The following SHISAL2A variants were observed in gnomAD, a reference collection of about 807,000 sequenced individuals.
SHISAL2A encodes the protein protein shisa-like-2A.
In SHISAL2A, 18 loss-of-function variants were observed where a neutral mutation model predicts 11.5. The observed-to-expected ratio is 1.57, with a 90% CI of 1.08 to 2.33. The LOEUF (loss-of-function observed/expected upper bound fraction) is 2.33. SHISAL2A is among the 30% of genes most tolerant of loss of function. The probability of loss-of-function intolerance (pLI) is 0.00; values close to 1 mark genes in which losing one functional copy is unlikely to be tolerated. For synonymous variants in SHISAL2A, 94 were observed against 99.6 expected, an observed-to-expected ratio of 0.94 and a Z score of 0.34; for missense variants, 261 against 250.9, an observed-to-expected ratio of 1.04 and a Z score of -0.27.
At chr1:52,640,489 C>T (rs1183440788) in intron 1 of SHISAL2A, among the ~76,000 whole-genome samples, 1 of 152,050 alleles carries the variant, frequency 6.6e-6, no homozygotes, top group Non-Finnish European at 1.5e-5. Flanking sequence ...CTTGGCCGGA[C>T]ACGGTAGCTC....
At chr1:52,639,752 CA>C (rs1325793796) in intron 1 of SHISAL2A, among the ~76,000 whole-genome samples, 3 of 151,884 alleles carry the variant, frequency 2.0e-5, no homozygotes, top group African/African-American at 7.3e-5. Flanking sequence ...GACTCCATCT[CA>C]AAAAACAAAA....
intron 1 of SHISAL2A, among the ~76,000 whole-genome samples, chr1:52,641,422 T>C (rs1266922316): frequency 6.6e-6 from 1 of 152,196 alleles, no homozygotes; most frequent in East Asian, 1.9e-4. Context: ...GAGAATTGCT[T>C]GACGTGTGGG....
chr1:52,635,172 T>C (rs1042924356), intron 1 of SHISAL2A, among the ~76,000 whole-genome samples: 5 of 152,202 alleles, frequency 3.3e-5, no homozygotes, highest in African/African-American at 9.7e-5. Flanking sequence ...TCCCTGCCCC[T>C]GAGGAACTCA....
chr1:52,652,428 G>GTT (rs1325935724), intron 2 of SHISAL2A, among the ~76,000 whole-genome samples: 1 of 152,004 alleles, frequency 6.6e-6, no homozygotes, highest in Non-Finnish European at 1.5e-5. Context: ...AATTTGTTTT[G>GTT]TTTTTTAACA....
chr1:52,643,056 A>AG (rs1257031686), intron 2 of SHISAL2A, 54 bp downstream of exon 2: 7 of 1,559,416 alleles, frequency 4.5e-6, no homozygotes, highest in Admixed American at 1.8e-5. Flanking sequence ...CACCTTTTCA[A>AG]GGGGGGAGAA....
intron 2 of SHISAL2A, 131 bp downstream of exon 2, chr1:52,643,133 A>T (rs1256437316): frequency 1.2e-6 from 1 of 832,890 alleles, no homozygotes; most frequent in Non-Finnish European, 1.9e-6. Context: ...GCAGCGGCAC[A>T]TTTTTCTGGA....
chr1:52,662,149 A>G lies in SHISAL2A; in HGVS notation n.695+2569A>G, dbSNP rs1244767654. Among the ~76,000 whole-genome samples the G allele has an allele frequency of 7.9e-5, 12 of 152,196 alleles. No individual in the cohort carries two copies. In the East Asian group the frequency reaches 2.1e-3, roughly 27 times the overall value. ...GAGAACAGTCAGAGAGAGATCCCAA[A>G]CAAATGCCAAGATGTGGGGTAAGGA... On this transcript the variant is annotated intron_variant and non_coding_transcript_variant, in intron 4 of 5. Transcript: ENST00000401050.
intron 2 of SHISAL2A, among the ~76,000 whole-genome samples, chr1:52,649,208 A>G (rs1396431975): frequency 6.6e-6 from 1 of 152,010 alleles, no homozygotes; most frequent in Non-Finnish European, 1.5e-5. Flanking sequence ...CATTCATCAG[A>G]GCTTTACTGT....
rs111980029 is a variant in SHISAL2A, at chr1:52,650,731, G to A, written c.323-6059G>A. Among the ~76,000 whole-genome samples, 360 of 136,240 alleles carry A rather than the reference G, an allele frequency of 2.6e-3. 1 individual carries two copies. Among genetic ancestry groups the A allele is most frequent in the African/African-American group, 8.0e-3 (290 of 36,332 alleles). 89.4% of individuals were successfully genotyped at this position (136,240 alleles called of 152,430 possible). ...GTGATCTTGGCTCACTGCAACCTTCGCCTCCCGGGTTCAAGCAATTCTCCT... is the reference window on the plus strand; with the variant it reads ...GTGATCTTGGCTCACTGCAACCTTCACCTCCCGGGTTCAAGCAATTCTCCT... On this transcript the variant is annotated intron_variant, in intron 2 of 2. Coordinates refer to ENST00000517870, the MANE Select transcript of SHISAL2A (RefSeq NM_001042693.3).
downstream of SHISAL2A, among the ~76,000 whole-genome samples, chr1:52,660,483 C>G (rs269324): frequency 1.3e-5 from 2 of 151,940 alleles, no homozygotes; most frequent in African/African-American, 4.8e-5. Context: ...TGGGCTGATA[C>G]GCAGACAGAA....
chr1:52,643,270 A>G (rs539944487), intron 2 of SHISAL2A, among the ~76,000 whole-genome samples: 1 of 152,356 alleles, frequency 6.6e-6, no homozygotes, highest in African/African-American at 2.4e-5. Context: ...GTTTAAGATG[A>G]TGTTTTAATT....
intron 1 of SHISAL2A, among the ~76,000 whole-genome samples, chr1:52,642,193 A>T (rs1691380793): frequency 6.6e-6 from 1 of 152,202 alleles, no homozygotes; most frequent in Non-Finnish European, 1.5e-5. Flanking sequence ...CTTAAGAAAC[A>T]GCAGTATGGG....
In SHISAL2A at chr1:52,656,914, G is replaced by T. The variant is rs773743354; in HGVS notation, c.447G>T (p.Gly149=). 1 of 1,614,160 alleles carries T rather than the reference G, an allele frequency of 6.2e-7. No individual in the cohort carries two copies. Among genetic ancestry groups the T allele is most frequent in the Non-Finnish European group, 8.5e-7 (1 of 1,180,014 alleles). ...CLNPQLESNE[G]QAVNSKRLLH... ...ACCCGCAGCTGGAGAGCAATGAGGG[G>T]CAGGCTGTGAACTCCAAACGCCTCC... is the stretch of plus-strand genomic sequence containing the variant. Residue 149 remains glycine, a synonymous_variant, in exon 3 of 3, where the codon GGG becomes GGT. Transcript: ENST00000517870.
intron 2 of SHISAL2A, among the ~76,000 whole-genome samples, chr1:52,655,452 CAAAAAAAAAAAAAA>C (rs11346128): frequency 8.1e-3 from 326 of 40,170 alleles, no homozygotes; most frequent in African/African-American, 0.027. Context: ...CCTGTATCTA[CAAAAAAAAAAAAAA>C]AAAAAAAAAA....
chr1:52,645,285 C>T (rs1691473513), intron 2 of SHISAL2A, among the ~76,000 whole-genome samples: 1 of 152,192 alleles, frequency 6.6e-6, no homozygotes, highest in East Asian at 1.9e-4. Context: ...TGGAAGGATT[C>T]AGCTGGCTCC....
chr1:52,633,056 C>G (rs555103054), upstream of SHISAL2A, among the ~76,000 whole-genome samples: 32 of 152,058 alleles, frequency 2.1e-4, no homozygotes, highest in African/African-American at 7.2e-4. The surrounding 1 kb of genome is among the most constrained non-coding windows in gnomAD (Gnocchi z 6.4). Flanking sequence ...CGCCCGCGCC[C>G]TGGCCTCGAA....
intron 2 of SHISAL2A, among the ~76,000 whole-genome samples, chr1:52,653,491 G>T (rs553937844): frequency 6.6e-6 from 1 of 151,648 alleles, no homozygotes; most frequent in East Asian, 1.9e-4. Context: ...TGCTTAGCCG[G>T]GCATGATGGC....
At chr1:52,640,078 C>T (rs1046093874) in intron 1 of SHISAL2A, 2 of 152,264 alleles carry the variant, frequency 1.3e-5, no homozygotes, top group African/African-American at 2.4e-5. Context: ...GTATGAGCCA[C>T]ATCGCCCTGC....
At chr1:52,664,310 C>T (rs941502574) in intron 4 of SHISAL2A, among the ~76,000 whole-genome samples, 4 of 151,754 alleles carry the variant, frequency 2.6e-5, no homozygotes, top group Admixed American at 2.6e-4. Context: ...CCTGCCTCAG[C>T]CTCTCGAATA....
Sources: gnomAD v4.1 joint callset for allele counts (sites outside exome capture counted in the v4.1 genomes callset) on GRCh38, gnomAD v4.1.1 for gene constraint, Gnocchi (gnomAD v3.1) non-coding constraint, MANE v1.5 for transcripts, NCBI Gene and HGNC (gene_info 2026-07-23, HGNC 2026-07-21) for gene names.